FCRL5: variants seen among roughly 807,000 people sequenced by gnomAD.
FCRL5 encodes Fc receptor like 5.
A neutral mutation model predicts 92.1 loss-of-function variants in FCRL5; 79 were observed. That is an observed-to-expected ratio of 0.86 (90% CI 0.72 to 1.03). The LOEUF is 1.03. Among genes scored for constraint, FCRL5 ranks in the 50% least tolerant of loss-of-function variants. The pLI, the probability that FCRL5 is intolerant of heterozygous loss-of-function variation, is 0.00. For missense variants in FCRL5, 1,160 were observed against 1,181.1 expected, an observed-to-expected ratio of 0.98 and a Z score of 0.26; for synonymous variants, 466 against 469.3, an observed-to-expected ratio of 0.99 and a Z score of 0.09.
rs754087712 is a variant in FCRL5 at position 157,524,486 on chromosome 1, G to A, written c.2032C>T (p.Leu678Phe). ...AQAVVGDLLE[L>F]HCEALRGSSP... ...GAGCCTCTCAGGGCCTCACAGTGAA[G>A]CTCCAGCAGGTCCCCCACCACAGCC... is the stretch of plus-strand genomic sequence containing the variant. Residue 678 changes from leucine to phenylalanine, a missense_variant, in exon 10 of 17, where the codon CTT becomes TTT. Transcript: ENST00000361835. 1.2e-6 allele frequency: 2 copies of A among 1,614,052 alleles called. No individual in the cohort carries two copies. Among genetic ancestry groups the A allele is most frequent in the African/African-American group, 1.3e-5 (1 of 74,942 alleles).
At chr1:157,528,139 G>A in intron 8 of FCRL5, 1 of 356,724 alleles carries the variant, frequency 2.8e-6, no homozygotes, top group Non-Finnish European at 5.0e-6. Flanking sequence ...CAAAATCAAT[G>A]TACACAAATC....
At chr1:157,530,185 A>C (rs1650634162) in intron 8 of FCRL5, among the ~76,000 whole-genome samples, 1 of 152,206 alleles carries the variant, frequency 6.6e-6, no homozygotes, top group Non-Finnish European at 1.5e-5. Context: ...TCACAATAAC[A>C]TACTGGTCTA....
chr1:157,548,838 G>A (rs1015484995), intron 2 of FCRL5, among the ~76,000 whole-genome samples: 2 of 152,192 alleles, frequency 1.3e-5, no homozygotes, highest in African/African-American at 4.8e-5. Flanking sequence ...CTGTTGGTGG[G>A]AGTGTAAACT....
At position 157,549,640 on chromosome 1, in the gene FCRL5, A is replaced by G. The variant is rs185904209; in HGVS notation, c.32-60T>C. ...ACCATGATTATTTTGTTTTAAGAAG[A>G]TAATTCCCTTTTTTACCCATGCATG... On this transcript the variant is annotated intron_variant, in intron 1 of 16. Coordinates refer to ENST00000361835, the MANE Select transcript of FCRL5 (RefSeq NM_031281.3). 1.4e-3 allele frequency: 2,122 copies of G among 1,539,832 alleles called. 4 individuals are homozygous for G. Among genetic ancestry groups the G allele is most frequent in the Non-Finnish European group, 1.7e-3 (1,972 of 1,132,172 alleles).
At position 157,527,768 on chromosome 1, in the gene FCRL5, C is replaced by T; in HGVS notation, c.1809G>A (p.Glu603=). 6.2e-7 allele frequency: 1 copy of T among 1,614,160 alleles called. No homozygotes were observed. The highest frequency in any genetic ancestry group is 1.1e-5 in the South Asian group (1 of 91,072). ...SPPILYWFYH[E]DVTLGSSSAP... ...CTGAGCTGCTCCCCAGGGTGACATC[C>T]TCATGATAAAACCAGTACAGGATTG... The change falls in exon 9 of 17, where the codon GAG becomes GAA. Residue 603 remains glutamate, a synonymous_variant. Transcript: ENST00000361835.
chr1:157,545,142 G>T, intron 3 of FCRL5, 60 bp from the exon 4 acceptor site: 1 of 1,533,170 alleles, frequency 6.5e-7, no homozygotes, highest in Non-Finnish European at 8.8e-7. Context: ...TCTTTTCATT[G>T]TTTTTCCAAG....
chr1:157,544,783 G>A, intron 4 of FCRL5, 48 bp downstream of exon 4: 3 of 1,609,986 alleles, frequency 1.9e-6, no homozygotes, highest in Non-Finnish European at 2.5e-6. Flanking sequence ...ATGACCCCAA[G>A]GAATCTCCTT....
intron 2 of FCRL5, among the ~76,000 whole-genome samples, chr1:157,548,368 G>C (rs1181292424): frequency 6.6e-6 from 1 of 152,194 alleles, no homozygotes; most frequent in African/African-American, 2.4e-5. Context: ...CAGGACATAG[G>C]CATGGGCAAG....
rs538725756 is a variant in FCRL5, at chr1:157,552,303, C to T, written c.31+29G>A. 4.8e-5 allele frequency: 78 copies of T among 1,611,474 alleles called. No individual in the cohort carries two copies. In the South Asian group the frequency reaches 7.5e-4, roughly 15 times the overall value. ...AGAGAGAAGCTGTCCCGATCCCACC[C>T]AGGGCCCATGGTGAGCCCTTTTACT... On this transcript the variant is annotated intron_variant, in intron 1 of 16. Transcript: ENST00000361835.
At chr1:157,541,890 G>C (rs938906333) in intron 6 of FCRL5, 2 of 152,272 alleles carry the variant, frequency 1.3e-5, no homozygotes, top group African/African-American at 4.8e-5. Context: ...ACATCTCTGA[G>C]CATGTTTGAT....
intron 8 of FCRL5, chr1:157,533,307 G>A (rs1262512331): frequency 1.3e-5 from 2 of 152,064 alleles, no homozygotes; most frequent in Non-Finnish European, 2.9e-5. Context: ...CAAATCCATT[G>A]TCTGATTTCC....
At chr1:157,540,861 A>G (rs1370486044) in intron 6 of FCRL5, among the ~76,000 whole-genome samples, 1 of 152,242 alleles carries the variant, frequency 6.6e-6, no homozygotes, top group Non-Finnish European at 1.5e-5. Flanking sequence ...ATTTGTAAAT[A>G]TCGATATATA....
chr1:157,524,147 G>T, intron 10 of FCRL5, 132 bp downstream of exon 10: 1 of 873,900 alleles, frequency 1.1e-6, no homozygotes, highest in Non-Finnish European at 1.8e-6. Context: ...GGGAGGTTCT[G>T]CAGGCAGGAA....
rs753829347 is a variant in FCRL5, at chr1:157,515,568, A to G, written c.*107T>C. ...GAGGACATGTGAAACAAAGGCCAGT[A>G]GATATGGTCTGGGGCAGCCTAAATC... On this transcript the variant is annotated 3_prime_UTR_variant, in exon 17 of 17. Transcript: ENST00000361835. 1.2e-6 allele frequency: 2 copies of G among 1,610,876 alleles called. No individual in the cohort carries two copies. Among genetic ancestry groups the G allele is most frequent in the East Asian group, 4.5e-5 (2 of 44,874 alleles).
intron 1 of FCRL5, among the ~76,000 whole-genome samples, chr1:157,551,054 A>C (rs1292484825): frequency 6.6e-6 from 1 of 152,174 alleles, no homozygotes; most frequent in Non-Finnish European, 1.5e-5. Context: ...TCATCTTTGC[A>C]TTGTTTTAAA....
intron 10 of FCRL5, 115 bp downstream of exon 10, chr1:157,524,164 T>C: frequency 9.1e-7 from 1 of 1,103,914 alleles, no homozygotes; most frequent in Middle Eastern, 2.1e-4. Context: ...GGAAGTGTGC[T>C]GGGATGCCAC....
At chr1:157,534,123 G>A in intron 8 of FCRL5, 1 of 324,324 alleles carries the variant, frequency 3.1e-6, no homozygotes, top group South Asian at 3.2e-5. Context: ...TAGAAAACAA[G>A]GGATCATAAA....
chr1:157,522,195 A>G lies in FCRL5; in HGVS notation c.2240-903T>C, dbSNP rs545890156. On this transcript the variant is annotated intron_variant, in intron 10 of 16. Transcript: ENST00000361835. ...ATGTCTGGAGAATATGTGCGTAAGAAGTGATATGAGCAGGTAGAAAGAGAC... is the reference window on the plus strand; with the variant it reads ...ATGTCTGGAGAATATGTGCGTAAGAGGTGATATGAGCAGGTAGAAAGAGAC... The G allele has an allele frequency of 3.3e-5, 5 of 152,364 alleles. 1 individual carries two copies. Among genetic ancestry groups the G allele is most frequent in the African/African-American group, 1.2e-4 (5 of 41,584 alleles). 9.4% of individuals were successfully genotyped at this position (152,364 alleles called of 1,614,324 possible).
chr1:157,524,268 G>A lies in FCRL5; in HGVS notation c.2239+11C>T, dbSNP rs1455566455. 6.2e-7 allele frequency: 1 copy of A among 1,613,998 alleles called. No homozygotes were observed. The highest frequency in any genetic ancestry group is 1.7e-5 in the Admixed American group (1 of 60,022). ...TCTCAGATGTGCTGCTGGTGGGCAG[G>A]GCCCACTCACCTGCAACTTTCAGTG... is the stretch of plus-strand genomic sequence containing the variant. On this transcript the variant is annotated intron_variant, in intron 10 of 16. Coordinates refer to ENST00000361835, the MANE Select transcript of FCRL5 (RefSeq NM_031281.3).
Sources: gnomAD v4.1 joint callset for allele counts (sites outside exome capture counted in the v4.1 genomes callset) on GRCh38, gnomAD v4.1.1 for gene constraint, MANE v1.5 for transcripts, NCBI Gene and HGNC (gene_info 2026-07-23, HGNC 2026-07-21) for gene names.